The following NELFA variants were observed in gnomAD, a reference collection of about 807,000 sequenced individuals.
NELFA encodes the protein negative elongation factor A.
Under a neutral mutation model 51.8 loss-of-function variants are expected in NELFA, and 35 were observed. That is an observed-to-expected ratio of 0.68 (90% CI 0.52 to 0.90). The LOEUF (loss-of-function observed/expected upper bound fraction) is 0.90, where lower values mean the gene tolerates loss of function less well. Among genes scored for constraint, NELFA ranks in the 40% least tolerant of loss-of-function variants. NELFA has a pLI of 0.00. For synonymous variants in NELFA, 417 were observed against 338.4 expected (o/e 1.23, Z -2.55); for missense variants, 658 against 746.4 (o/e 0.88, Z 1.38).
chr4:1,988,032 C>G (rs1252985790), intron 3 of NELFA, 25 bp from the exon 4 acceptor site: 1 of 1,590,738 alleles, frequency 6.3e-7, no homozygotes, highest in Admixed American at 1.7e-5. Flanking sequence ...TCACATATGT[C>G]AGGGATCCTC....
rs745583324 is a variant in NELFA, at chr4:1,983,497, G to A, written c.1409C>T (p.Pro470Leu). The A allele has an allele frequency of 5.6e-6, 9 of 1,613,932 alleles. No homozygotes were observed. The highest frequency in any genetic ancestry group is 2.2e-5 in the South Asian group (2 of 91,084). Residue 470 changes from proline to leucine, a missense_variant, in exon 11 of 11, where the codon CCG (proline) becomes CTG (leucine). By Grantham distance (98) the Pro-to-Leu change is moderately conservative (BLOSUM62 -3). Around this residue, in one of 3 missense-constraint regions of NELFA, gnomAD observed 87 missense variants for 130.2 expected, o/e 0.67. Transcript: ENST00000382882. ...GATCACGTCCCCCTGCTCCTGGCAC[G>A]GGTTCTCTGCAGAGAGCAGGAGCTG... is the stretch of plus-strand genomic sequence containing the variant. Reference protein sequence around the residue: ...LGFMAGSRENPCQEQGDVIQI... With the variant: ...LGFMAGSRENLCQEQGDVIQI...
rs373854378 is a variant in NELFA, at chr4:1,994,780, G to A, written c.211-3065C>T. The stretch of plus-strand genomic sequence containing the variant: ...TGAGGCAGGAGAATGGCGTGAACCC[G>A]GGAGGTGGAGCTTGCAGTGAGCCGA... On this transcript the variant is annotated intron_variant, in intron 1 of 10. Coordinates refer to ENST00000382882, the MANE Select transcript of NELFA (RefSeq NM_005663.5). Among the ~76,000 whole-genome samples, 37 of 151,580 alleles carry A rather than the reference G, an allele frequency of 2.4e-4. 1 individual carries two copies. In the South Asian group the frequency reaches 3.5e-3, roughly 15 times the overall value.
intron 2 of NELFA, 189 bp from the exon 3 acceptor site, chr4:1,990,058 A>C: frequency 1.6e-6 from 1 of 639,488 alleles, no homozygotes. Context: ...CATTTGCAGA[A>C]CAGGAATGCC....
intron 1 of NELFA, among the ~76,000 whole-genome samples, chr4:1,995,043 T>G (rs1728385816): frequency 6.6e-6 from 1 of 152,212 alleles, no homozygotes; most frequent in Non-Finnish European, 1.5e-5. Flanking sequence ...AGGATGTTTC[T>G]ACATAAGACT....
chr4:1,983,684 C>T lies in NELFA; in HGVS notation c.1314G>A (p.Met438Ile). ...KKNLSLTREQ[M>I]FAAQEMFKTA... ...TCTTGAACATCTCCTGGGCAGCGAA[C>T]ATCTGCTCTCTCTACAGCGGGGAGA... Residue 438 changes from methionine to isoleucine, a missense_variant, in exon 10 of 11, where the codon ATG becomes ATA. Physicochemically the swap from Met to Ile is conservative, Grantham distance 10. Coordinates refer to ENST00000382882, the MANE Select transcript of NELFA (RefSeq NM_005663.5). 1.2e-6 allele frequency: 2 copies of T among 1,614,032 alleles called. No individual in the cohort carries two copies. Among genetic ancestry groups the T allele is most frequent in the Non-Finnish European group, 1.7e-6 (2 of 1,179,998 alleles).
At chr4:2,001,933 G>T (rs1054702559) in intron 1 of NELFA, among the ~76,000 whole-genome samples, 4 of 151,110 alleles carry the variant, frequency 2.6e-5, no homozygotes, top group African/African-American at 9.7e-5. Context: ...AGGCACGGTG[G>T]CTCATGCCTG....
chr4:2,000,106 G>A (rs1182066630), intron 1 of NELFA, among the ~76,000 whole-genome samples: 2 of 152,086 alleles, frequency 1.3e-5, no homozygotes, highest in Non-Finnish European at 2.9e-5. Context: ...CAGAATCTCT[G>A]GGACACAGCT....
At chr4:1,991,417 A>T in intron 2 of NELFA, 127 bp downstream of exon 2, 1 of 968,114 alleles carries the variant, frequency 1.0e-6, no homozygotes, top group Non-Finnish European at 1.5e-6. Context: ...ATATACAGTT[A>T]ATATTCTAGG....
rs183809532 is a variant in NELFA, at chr4:2,006,098, A to G, written c.210+2652T>C. On this transcript the variant is annotated intron_variant, in intron 1 of 10. Coordinates refer to ENST00000382882, the MANE Select transcript of NELFA (RefSeq NM_005663.5). The stretch of plus-strand genomic sequence containing the variant: ...CTCCGTCCGCTAACAAGGCTTATAA[A>G]TAAAGTGACAAGAACCGACTTAGTG... Among the ~76,000 whole-genome samples the G allele has an allele frequency of 2.6e-5, 4 of 152,384 alleles. No homozygotes were observed. The East Asian group carries it at 7.7e-4, about 29-fold the overall frequency.
Position 1,986,143 on chromosome 4 carries a change from C to A in NELFA, c.806G>T (p.Arg269Leu). ...AGTCTTCCTTCTCCGCTTCGCCTCT[C>A]GGCCAGCGCCAACCATATCCAGCTC... ...ISELDMVGAG[R>L]EAKRRRKTLD... The change falls in exon 6 of 11, where the codon CGA (arginine) becomes CTA (leucine). Residue 269 changes from arginine (R) to leucine (L), a missense_variant. By Grantham distance (102) the Arg-to-Leu change is moderately radical. Transcript: ENST00000382882. 1 of 1,554,722 alleles carries A rather than the reference C, an allele frequency of 6.4e-7. No individual in the cohort carries two copies. The highest frequency in any genetic ancestry group is 1.2e-5 in the South Asian group (1 of 84,294).
At chr4:1,995,041 T>C (rs962654638) in intron 1 of NELFA, among the ~76,000 whole-genome samples, 1 of 152,180 alleles carries the variant, frequency 6.6e-6, no homozygotes, top group Non-Finnish European at 1.5e-5. Context: ...TGAGGATGTT[T>C]CTACATAAGA....
Position 1,991,710 on chromosome 4 carries a change from C to T in NELFA, c.216G>A (p.Lys72=), listed in dbSNP as rs998335664. The change falls in exon 2 of 11, where the codon AAG becomes AAA. Residue 72 remains lysine (K), a synonymous_variant. Transcript: ENST00000382882. The part of the protein sequence containing the change: ...HLPRRTVDEM[K]GALMEIIQLA... ...GCTGGATGATCTCCATTAGGGCGCCCTTCATCTGCAAAATAGGATGCTGCC... is the reference window on the plus strand; with the variant it reads ...GCTGGATGATCTCCATTAGGGCGCCTTTCATCTGCAAAATAGGATGCTGCC... The T allele has an allele frequency of 6.3e-7, 1 of 1,594,154 alleles. No individual in the cohort carries two copies. The highest frequency in any genetic ancestry group is 1.1e-5 in the South Asian group (1 of 88,134).
intron 4 of NELFA, 65 bp from the exon 5 acceptor site, chr4:1,986,467 C>T: frequency 6.2e-7 from 1 of 1,607,884 alleles, no homozygotes; most frequent in Non-Finnish European, 8.5e-7. Flanking sequence ...ACCCCGAGCT[C>T]AGAACGTCCC....
At position 1,986,312 on chromosome 4, in the gene NELFA, G is replaced by T. The variant is rs374310144; in HGVS notation, c.725C>A (p.Pro242Gln). 5.6e-6 allele frequency: 9 copies of T among 1,593,348 alleles called. No homozygotes were observed. The South Asian group carries it at 1.0e-4, about 18-fold the overall frequency. ...FSPTGNRTPI[P>Q]PSRTLLRKER... ...CTTCCGCAGCAGCGTCCTGGAAGGC[G>T]GGATGGGGGTCCGGTTCCCTGTGGG... The change falls in exon 5 of 11, where the codon CCG (proline) becomes CAG (glutamine). Residue 242 changes from proline to glutamine, a missense_variant. Transcript: ENST00000382882.
At position 1,985,851 on chromosome 4, in the gene NELFA, C is replaced by T; in HGVS notation, c.849G>A (p.Val283=). Residue 283 remains valine, a synonymous_variant, in exon 7 of 11, where the codon GTG becomes GTA. Coordinates refer to ENST00000382882, the MANE Select transcript of NELFA (RefSeq NM_005663.5). ...CCGTTTCCTCCTTGGCCGGCTTCTCCACCACCTCCGCATCTGTGGACAAAA... is the reference window on the plus strand; with the variant it reads ...CCGTTTCCTCCTTGGCCGGCTTCTCTACCACCTCCGCATCTGTGGACAAAA... ...RRRKTLDAEV[V]EKPAKEETVV... 1.2e-6 allele frequency: 2 copies of T among 1,613,018 alleles called. No individual in the cohort carries two copies. The highest frequency in any genetic ancestry group is 1.7e-6 in the Non-Finnish European group (2 of 1,179,646).
intron 3 of NELFA, among the ~76,000 whole-genome samples, chr4:1,988,430 G>C (rs922144201): frequency 7.9e-5 from 12 of 152,278 alleles, no homozygotes; most frequent in Admixed American, 2.0e-4. Flanking sequence ...GTTCAGTGTG[G>C]CTGAAGGGTC....
At chr4:1,990,084 C>A (rs1170691793) in intron 2 of NELFA, 1 of 590,718 alleles carries the variant, frequency 1.7e-6, no homozygotes, top group Non-Finnish European at 3.0e-6. Context: ...GGCGGGCATG[C>A]CTTGAGAGGG....
At chr4:2,008,001 G>A (rs1343753019) in intron 1 of NELFA, 1 of 456,914 alleles carries the variant, frequency 2.2e-6, no homozygotes, top group Non-Finnish European at 4.4e-6. Context: ...AAAACGGCGT[G>A]TAGAAAAGAG....
rs772608553 is a variant in NELFA, at chr4:1,984,024, T to C, written c.1126A>G (p.Met376Val). 6.2e-7 allele frequency: 1 copy of C among 1,607,670 alleles called. No individual in the cohort carries two copies. The highest frequency in any genetic ancestry group is 1.3e-5 in the African/African-American group (1 of 74,850). The change falls in exon 9 of 11, where the codon ATG becomes GTG. Residue 376 changes from methionine to valine, a missense_variant. Met to Val is a conservative substitution (Grantham distance 21). Around this residue, in one of 3 missense-constraint regions of NELFA, gnomAD observed 200 missense variants for 167.9 expected, o/e 1.19. Transcript: ENST00000382882. ...GCAGGGCTCAGGCCGCTGTTGTACA[T>C]GGGCGCCCGCTGCTTGAACTGCGCT... ...LPAQFKQRAP[M>V]YNSGLSPATP...
Sources: gnomAD v4.1 joint callset for allele counts (sites outside exome capture counted in the v4.1 genomes callset) on GRCh38, gnomAD v4.1.1 for gene constraint, gnomAD v4.1.1 regional missense constraint, MANE v1.5 for transcripts, NCBI Gene and HGNC (gene_info 2026-07-23, HGNC 2026-07-21) for gene names.